CUX1: variants seen among roughly 807,000 people sequenced by gnomAD.
CUX1 encodes the protein protein CASP.
CUX1 carries 31 observed loss-of-function variants against 158.8 expected under a neutral mutation model. The ratio of observed to expected loss-of-function variants is 0.20; its 90% CI spans 0.15 to 0.26. CUX1 has a LOEUF of 0.26. Ranked by LOEUF, CUX1 falls within the 10% of genes least tolerant of loss-of-function variation. CUX1 has a pLI of 1.00. For synonymous variants in CUX1, 879 were observed against 862.1 expected (o/e 1.02, Z -0.34); for missense variants, 1,589 against 2,014.6 (o/e 0.79, Z 4.04).
At chr7:101,848,051 CAAAAAAAAAA>C (rs57428019) in intron 1 of CUX1, among the ~76,000 whole-genome samples, 5 of 65,374 alleles carry the variant, frequency 7.6e-5, no homozygotes, top group Non-Finnish European at 1.1e-4. Context: ...GAGCAAGACT[CAAAAAAAAAA>C]AAAAAAAAAA....
intron 11 of CUX1, among the ~76,000 whole-genome samples, chr7:102,181,763 C>T (rs1240736602): frequency 6.6e-6 from 1 of 152,244 alleles, no homozygotes; most frequent in Non-Finnish European, 1.5e-5. Context: ...CAGAAAGCAT[C>T]TGACTTCACC....
chr7:101,844,521 C>T (rs996985668), intron 1 of CUX1, among the ~76,000 whole-genome samples: 4 of 152,144 alleles, frequency 2.6e-5, no homozygotes, highest in East Asian at 1.9e-4. Context: ...AATATGAGGA[C>T]AGTGTGATTC....
intron 14 of CUX1, among the ~76,000 whole-genome samples, chr7:102,269,825 C>A (rs943941157): frequency 2.6e-5 from 4 of 152,220 alleles, no homozygotes; most frequent in South Asian, 2.1e-4. Context: ...CCATGCCCCC[C>A]CCAAACGCTT....
chr7:101,887,267 A>G (rs1800324983), intron 1 of CUX1, among the ~76,000 whole-genome samples: 1 of 151,346 alleles, frequency 6.6e-6, no homozygotes. Context: ...CTTTTTAACC[A>G]TTCTCTGTTA....
intron 8 of CUX1, among the ~76,000 whole-genome samples, chr7:102,119,174 A>G (rs1328411905): frequency 6.6e-6 from 1 of 152,212 alleles, no homozygotes; most frequent in Admixed American, 6.5e-5. Flanking sequence ...AGGGCGTGGT[A>G]TGCGTTTCTG....
intron 2 of CUX1, among the ~76,000 whole-genome samples, chr7:101,980,469 A>C (rs1813290778): frequency 6.6e-6 from 1 of 152,080 alleles, no homozygotes; most frequent in South Asian, 2.1e-4. Context: ...TGATTGTGTC[A>C]CTGCAGTCCA....
At chr7:102,219,280 G>T (rs1036487590) in intron 20 of CUX1, among the ~76,000 whole-genome samples, 55 of 152,044 alleles carry the variant, frequency 3.6e-4, no homozygotes, top group African/African-American at 1.3e-3. Context: ...TGGTGGGGGT[G>T]GGGGGGACAT....
In CUX1 at chr7:102,104,536, A is replaced by C. The variant is rs1053151460; in HGVS notation, c.530+77A>C. 17 of 1,546,234 alleles carry C rather than the reference A, an allele frequency of 1.1e-5. No individual in the cohort carries two copies. The East Asian group carries it at 2.1e-4, about 19-fold the overall frequency. The stretch of plus-strand genomic sequence containing the variant: ...CTTCACATCATCAGACATGTTGATA[A>C]ATGGATCTGCAAAATAAGCCCAGGT... On this transcript the variant is annotated intron_variant, in intron 6 of 23. Coordinates refer to ENST00000292535, the MANE Select transcript of CUX1 (RefSeq NM_181552.4).
intron 21 of CUX1, among the ~76,000 whole-genome samples, chr7:102,232,432 A>C (rs1312464864): frequency 6.6e-6 from 1 of 152,122 alleles, no homozygotes; most frequent in African/African-American, 2.4e-5. Flanking sequence ...TGGTGTTTCT[A>C]TTTCACATAG....
intron 1 of CUX1, among the ~76,000 whole-genome samples, chr7:101,877,642 G>A (rs1321432272): frequency 1.2e-4 from 19 of 152,238 alleles, no homozygotes; most frequent in African/African-American, 3.9e-4. Flanking sequence ...AGCCGAGACC[G>A]TCCCACTGCA....
chr7:101,837,672 T>G (rs1794769329), intron 1 of CUX1, among the ~76,000 whole-genome samples: 1 of 150,770 alleles, frequency 6.6e-6, no homozygotes, highest in Admixed American at 6.6e-5. Flanking sequence ...ACAAAAAAAA[T>G]CCAAAAGTAG....
chr7:101,825,202 T>C (rs1793119728), intron 1 of CUX1, among the ~76,000 whole-genome samples: 1 of 152,252 alleles, frequency 6.6e-6, no homozygotes, highest in Non-Finnish European at 1.5e-5. Flanking sequence ...CTTCCCTTCC[T>C]ATTCACACAG....
At chr7:102,024,189 C>T (rs1452622370) in intron 2 of CUX1, among the ~76,000 whole-genome samples, 2 of 152,244 alleles carry the variant, frequency 1.3e-5, no homozygotes, top group Non-Finnish European at 2.9e-5. Flanking sequence ...GCCCCAGCCC[C>T]CTGCTCTCCT....
intron 2 of CUX1, among the ~76,000 whole-genome samples, chr7:101,997,659 A>G (rs1025414565): frequency 1.3e-5 from 2 of 152,118 alleles, no homozygotes; most frequent in Non-Finnish European, 2.9e-5. Flanking sequence ...TTCAATTTAT[A>G]AACACTAATA....
chr7:102,151,583 A>T (rs1554503610), intron 8 of CUX1, among the ~76,000 whole-genome samples: 2 of 151,758 alleles, frequency 1.3e-5, no homozygotes, highest in South Asian at 2.1e-4. Flanking sequence ...TACAAAAATT[A>T]GCTGTGATTG....
At chr7:101,816,551 G>A (rs1416211461), upstream of CUX1, among the ~76,000 whole-genome samples, 1 of 141,250 alleles carries the variant, frequency 7.1e-6, no homozygotes, top group Non-Finnish European at 1.6e-5. Flanking sequence ...CCGGGAGGGG[G>A]CCGCGGCCCG....
intron 14 of CUX1, 148 bp downstream of exon 14, chr7:102,195,751 G>C: frequency 1.5e-6 from 1 of 679,362 alleles, no homozygotes; most frequent in Non-Finnish European, 2.4e-6. Context: ...CGTGTTGGGT[G>C]CCCTCCTCCT....
intron 3 of CUX1, among the ~76,000 whole-genome samples, chr7:102,049,365 C>T (rs1823214736): frequency 6.6e-6 from 1 of 152,156 alleles, no homozygotes; most frequent in Non-Finnish European, 1.5e-5. Context: ...AGTAAATGGG[C>T]CCAGAGAGAT....
intron 3 of CUX1, among the ~76,000 whole-genome samples, chr7:102,048,599 C>A (rs572282061): frequency 6.6e-6 from 1 of 152,096 alleles, no homozygotes; most frequent in African/African-American, 2.4e-5. Context: ...GAGGCCAAGG[C>A]GGGTGGATTA....
Sources: gnomAD v4.1 joint callset for allele counts (sites outside exome capture counted in the v4.1 genomes callset) on GRCh38, gnomAD v4.1.1 for gene constraint, MANE v1.5 for transcripts, NCBI Gene and HGNC (gene_info 2026-07-23, HGNC 2026-07-21) for gene names.